EIF5B: variants seen among roughly 807,000 people sequenced by gnomAD.
EIF5B encodes eukaryotic translation initiation factor 5B, also known as eIF-5B.
Under a neutral mutation model 147.5 loss-of-function variants are expected in EIF5B, and 47 were observed. That is an observed-to-expected ratio of 0.32 (90% CI 0.25 to 0.41). EIF5B has a LOEUF of 0.41. Among genes scored for constraint, EIF5B ranks in the 10% least tolerant of loss-of-function variants. EIF5B has a pLI of 1.00. For missense variants in EIF5B, 1,064 were observed against 1,413.2 expected (o/e 0.75, Z 3.96); for synonymous variants, 455 against 456.2 (o/e 1.00, Z 0.03).
chr2:99,400,877 T>C lies in EIF5B; in HGVS notation c.*1463T>C, dbSNP rs913448804. The C allele has an allele frequency of 6.3e-6, 1 of 157,704 alleles. No individual in the cohort carries two copies. Among genetic ancestry groups the C allele is most frequent in the African/African-American group, 2.4e-5 (1 of 41,490 alleles). 9.8% of individuals were successfully genotyped at this position (157,704 alleles called of 1,614,324 possible). A position where few individuals can be genotyped will look rare whatever the true frequency, so the allele number is the denominator to read the frequency against. Reference sequence around the variant, plus strand: ...CTGGCCTGGAGGTTTTTCAGCCTTTTAGTATAATAAACAGTAGTTGCTTCC... The same window carrying C: ...CTGGCCTGGAGGTTTTTCAGCCTTTCAGTATAATAAACAGTAGTTGCTTCC... On this transcript the variant is annotated 3_prime_UTR_variant, in exon 24 of 24. Coordinates refer to ENST00000289371, the MANE Select transcript of EIF5B (RefSeq NM_015904.4).
rs374391759 is a variant in EIF5B, at chr2:99,361,837, G to A, written c.919+17G>A. 109 of 1,506,218 alleles carry A rather than the reference G, an allele frequency of 7.2e-5. No individual in the cohort carries two copies. In the African/African-American group the frequency reaches 1.3e-3, roughly 18 times the overall value. The allele number at this position is 1,506,218 out of a possible 1,614,324, so 93.3% of individuals were successfully genotyped here. Reference sequence around the variant, plus strand: ...CTGCAGAAGGTTGGTTAATACTTTAGAGGAAAGAGCAAAAGGCTTTTGATT... The same window carrying A: ...CTGCAGAAGGTTGGTTAATACTTTAAAGGAAAGAGCAAAAGGCTTTTGATT... On this transcript the variant is annotated intron_variant, in intron 4 of 23. Coordinates refer to ENST00000289371, the MANE Select transcript of EIF5B (RefSeq NM_015904.4).
At chr2:99,342,803 T>A (rs1391113449) in intron 1 of EIF5B, among the ~76,000 whole-genome samples, 5 of 152,022 alleles carry the variant, frequency 3.3e-5, no homozygotes, top group Non-Finnish European at 7.4e-5. Context: ...AGCTAATTTT[T>A]AAAAATTTTT....
At chr2:99,353,007 T>TTTTTTTC (rs1674011010) in intron 1 of EIF5B, among the ~76,000 whole-genome samples, 1 of 22,808 alleles carries the variant, frequency 4.4e-5, no homozygotes, top group Non-Finnish European at 8.0e-5. Context: ...TTCTTCTTCT[T>TTTTTTTC]TTTTTTTTTT....
At chr2:99,386,011 CAT>C (rs1477200120) in intron 14 of EIF5B, among the ~76,000 whole-genome samples, 6 of 152,162 alleles carry the variant, frequency 3.9e-5, no homozygotes, top group Admixed American at 2.6e-4. Flanking sequence ...TTTTGTTACT[CAT>C]GTTATTATGC....
intron 7 of EIF5B, 132 bp from the exon 8 acceptor site, chr2:99,369,260 C>A (rs375834698): frequency 1.0e-5 from 5 of 502,090 alleles, no homozygotes; most frequent in Non-Finnish European, 1.6e-5. Flanking sequence ...GGTGACAGAG[C>A]GAGACTCCAT....
In EIF5B at chr2:99,364,434, C is replaced by G; in HGVS notation, c.1288+13C>G. On this transcript the variant is annotated intron_variant, in intron 6 of 23. Transcript: ENST00000289371. ...CTACAAGCTCAGGGTGAGTGGTACT[C>G]TTCATTAACTGAATGGTCAGAGAGC... 1.3e-6 allele frequency: 2 copies of G among 1,567,828 alleles called. No individual in the cohort carries two copies. The highest frequency in any genetic ancestry group is 1.4e-5 in the African/African-American group (1 of 72,596).
At position 99,337,446 on chromosome 2, in the gene EIF5B, G is replaced by A; in HGVS notation, c.-109G>A. The A allele has an allele frequency of 1.4e-6, 2 of 1,413,728 alleles. No individual in the cohort carries two copies. Among genetic ancestry groups the A allele is most frequent in the Admixed American group, 2.0e-5 (1 of 50,880 alleles). 87.6% of individuals were successfully genotyped at this position (1,413,728 alleles called of 1,614,324 possible). On this transcript the variant is annotated 5_prime_UTR_variant, in exon 1 of 24. Coordinates refer to ENST00000289371, the MANE Select transcript of EIF5B (RefSeq NM_015904.4). ...CTGTGGAGAGCCGGGTGCGAGCGGC[G>A]GCAGCACGAGGGGAAAAGAGCTGAG...
chr2:99,359,492 G>A (rs1030743053), intron 1 of EIF5B, among the ~76,000 whole-genome samples: 3 of 152,138 alleles, frequency 2.0e-5, no homozygotes, highest in Non-Finnish European at 4.4e-5. Context: ...GGATTCATCT[G>A]CCTTTGCTAC....
At chr2:99,385,865 A>G (rs1379455007) in intron 14 of EIF5B, among the ~76,000 whole-genome samples, 1 of 152,220 alleles carries the variant, frequency 6.6e-6, no homozygotes, top group East Asian at 1.9e-4. Flanking sequence ...CTCTCATGTT[A>G]CTTTGCAGTC....
intron 6 of EIF5B, among the ~76,000 whole-genome samples, chr2:99,365,913 T>G (rs1168400007): frequency 6.6e-6 from 1 of 152,212 alleles, no homozygotes; most frequent in African/African-American, 2.4e-5. Flanking sequence ...CATCGTATGT[T>G]TGAAAGACAG....
At chr2:99,383,053 A>G (rs1674725369) in intron 14 of EIF5B, 132 bp downstream of exon 14, 1 of 970,464 alleles carries the variant, frequency 1.0e-6, no homozygotes, top group Non-Finnish European at 1.4e-6. Context: ...CTTCACAGAT[A>G]TTGTGTGTGT....
chr2:99,361,177 C>T lies in EIF5B; in HGVS notation c.276C>T (p.Thr92=), dbSNP rs1246805724. Residue 92 remains threonine (T), a synonymous_variant, in exon 4 of 24, where the codon ACC becomes ACT. Transcript: ENST00000289371. ...CAGAAAACAATGAAGAGGAATTCAC[C>T]TCAAAAGATAAAAAAAAGAAAGGAC... The part of the protein sequence containing the change: ...KPTENNEEEF[T]SKDKKKKGQK... The T allele has an allele frequency of 6.5e-6, 10 of 1,548,054 alleles. No individual in the cohort carries two copies. Among genetic ancestry groups the T allele is most frequent in the Non-Finnish European group, 7.8e-6 (9 of 1,155,248 alleles).
intron 1 of EIF5B, among the ~76,000 whole-genome samples, chr2:99,341,600 A>G (rs1397840649): frequency 6.6e-6 from 1 of 152,206 alleles, no homozygotes; most frequent in African/African-American, 2.4e-5. Context: ...TAGAATAGCA[A>G]TTCTCAAATT....
At chr2:99,346,831 A>G (rs1240965746) in intron 1 of EIF5B, among the ~76,000 whole-genome samples, 1 of 151,566 alleles carries the variant, frequency 6.6e-6, no homozygotes, top group African/African-American at 2.4e-5. Flanking sequence ...CGGCCTCCCA[A>G]AGTGCTGGGA....
chr2:99,397,035 A>G, intron 22 of EIF5B, 137 bp downstream of exon 22: 1 of 997,620 alleles, frequency 1.0e-6, no homozygotes, highest in South Asian at 2.7e-5. Flanking sequence ...CCTTCTTAAC[A>G]AATGTTTCAG....
chr2:99,339,663 C>T (rs924464586), intron 1 of EIF5B, among the ~76,000 whole-genome samples: 3 of 152,078 alleles, frequency 2.0e-5, no homozygotes, highest in Non-Finnish European at 2.9e-5. Flanking sequence ...AGGCGCGATC[C>T]GGCTTATATG....
At chr2:99,380,652 G>C (rs1032058915) in intron 12 of EIF5B, among the ~76,000 whole-genome samples, 12 of 152,144 alleles carry the variant, frequency 7.9e-5, no homozygotes, top group Non-Finnish European at 1.5e-4. Flanking sequence ...CTGAGAAGCA[G>C]TAAGTTGAAA....
intron 4 of EIF5B, among the ~76,000 whole-genome samples, chr2:99,363,219 A>G (rs1174936124): frequency 6.6e-6 from 1 of 152,182 alleles, no homozygotes; most frequent in East Asian, 1.9e-4. Flanking sequence ...CATCATTCTC[A>G]TTAACTCCAT....
intron 12 of EIF5B, among the ~76,000 whole-genome samples, chr2:99,379,731 ATT>A (rs1039688205): frequency 6.6e-6 from 1 of 152,082 alleles, no homozygotes; most frequent in Non-Finnish European, 1.5e-5. Flanking sequence ...ATAATTTAAA[ATT>A]TTGTTTCCTT....
Sources: allele counts gnomAD v4.1 joint callset (sites outside exome capture counted in the v4.1 genomes callset), GRCh38; gene constraint gnomAD v4.1.1; transcripts MANE v1.5; gene names NCBI Gene and HGNC (gene_info 2026-07-23, HGNC 2026-07-21).